Variants in TUB observed in about 807,000 individuals in gnomAD.
TUB encodes the protein tubby protein homolog.
TUB carries 33 observed loss-of-function variants against 59.7 expected under a neutral mutation model. That is an observed-to-expected ratio of 0.55 (90% CI 0.42 to 0.74). TUB has a LOEUF of 0.74. Among genes scored for constraint, TUB ranks in the 30% least tolerant of loss-of-function variants. The probability of loss-of-function intolerance (pLI) is 0.00; values close to 1 mark genes in which losing one functional copy is unlikely to be tolerated. For missense variants in TUB, 659 were observed against 672.0 expected (o/e 0.98, Z 0.21); for synonymous variants, 293 against 256.4 (o/e 1.14, Z -1.36).
chr11:8,059,318 C>T (rs765935633), intron 2 of TUB, among the ~76,000 whole-genome samples: 44 of 152,142 alleles, frequency 2.9e-4, no homozygotes, highest in Non-Finnish European at 5.4e-4. Flanking sequence ...GACATCCAGT[C>T]GCAGTTAGTT....
At chr11:8,086,312 C>T (rs191543180) in intron 1 of TUB, among the ~76,000 whole-genome samples, 789 of 152,146 alleles carry the variant, frequency 5.2e-3, no homozygotes, top group Non-Finnish European at 8.7e-3. Flanking sequence ...GGGGAAGCGT[C>T]GGTGAGAAAG....
chr11:8,061,802 T>C (rs1467282207), intron 2 of TUB, among the ~76,000 whole-genome samples: 1 of 151,980 alleles, frequency 6.6e-6, no homozygotes, highest in Non-Finnish European at 1.5e-5. Flanking sequence ...TTTGGGGAAC[T>C]CCAAGGTCCC....
At chr11:8,035,309 A>T (rs1359555923), upstream of TUB, 1 of 152,206 alleles carries the variant, frequency 6.6e-6, no homozygotes, top group Non-Finnish European at 1.5e-5. Context: ...TATCATGGAC[A>T]GTTTTGCTTT....
chr11:8,063,949 C>T (rs367574100), intron 2 of TUB, among the ~76,000 whole-genome samples: 2 of 152,034 alleles, frequency 1.3e-5, no homozygotes, highest in South Asian at 2.1e-4. Context: ...GTTTTAATGC[C>T]GTTGTTTCAA....
intron 2 of TUB, among the ~76,000 whole-genome samples, chr11:8,046,462 C>T (rs1942835012): frequency 6.6e-6 from 1 of 152,200 alleles, no homozygotes; most frequent in South Asian, 2.1e-4. Flanking sequence ...CAACCTGTCC[C>T]TCGTCTTCTA....
intron 1 of TUB, among the ~76,000 whole-genome samples, chr11:8,033,095 G>T (rs569263221): frequency 2.1e-4 from 32 of 152,294 alleles, no homozygotes; most frequent in African/African-American, 7.2e-4. Flanking sequence ...GATCTGGGGG[G>T]GAACCTGGGA....
intron 1 of TUB, among the ~76,000 whole-genome samples, chr11:8,029,855 G>A (rs551351355): frequency 2.0e-5 from 3 of 152,144 alleles, no homozygotes; most frequent in East Asian, 1.9e-4. Context: ...CAGAGGAGTC[G>A]GGTGGCTACC....
At chr11:8,024,207 C>T (rs79191416) in intron 1 of TUB, among the ~76,000 whole-genome samples, 2,786 of 152,330 alleles carry the variant, frequency 0.018, 84 homozygotes, top group African/African-American at 0.062. Context: ...TTTTTATTCC[C>T]TCACGTATGC....
At chr11:8,031,874 G>A (rs1251820163) in intron 1 of TUB, among the ~76,000 whole-genome samples, 3 of 152,198 alleles carry the variant, frequency 2.0e-5, no homozygotes, top group East Asian at 3.9e-4. Flanking sequence ...CCTGGGTCCC[G>A]GTGCAGGGTT....
Position 8,103,309 on chromosome 11 carries a change from A to C in TUB, c.*1690A>C, listed in dbSNP as rs1944386639. 6.6e-6 allele frequency: 1 copy of C among 151,368 alleles called. No homozygotes were observed. Among genetic ancestry groups the C allele is most frequent in the South Asian group, 2.1e-4 (1 of 4,782 alleles). 9.4% of individuals were successfully genotyped at this position (151,368 alleles called of 1,614,324 possible). ...TTACCCTGGTGGAGGCTTCTTGCCC[A>C]GATAGAGATCTGAAATTGGTGGGAA... On this transcript the variant is annotated 3_prime_UTR_variant, in exon 12 of 12. Coordinates refer to ENST00000299506, the MANE Select transcript of TUB (RefSeq NM_177972.3).
intron 3 of TUB, among the ~76,000 whole-genome samples, chr11:8,091,003 T>C (rs1170948398): frequency 6.6e-6 from 1 of 152,064 alleles, no homozygotes; most frequent in Non-Finnish European, 1.5e-5. Flanking sequence ...CTTCATCAAA[T>C]AGTAATTCTA....
chr11:8,058,449 CA>C (rs1410783646), intron 2 of TUB, among the ~76,000 whole-genome samples: 17 of 152,122 alleles, frequency 1.1e-4, no homozygotes, highest in African/African-American at 2.4e-4. Flanking sequence ...GTGGCTAGAC[CA>C]GGGGAGTCAA....
intron 1 of TUB, among the ~76,000 whole-genome samples, chr11:8,026,074 A>G (rs977194167): frequency 6.6e-6 from 1 of 152,230 alleles, no homozygotes; most frequent in Non-Finnish European, 1.5e-5. Context: ...GATGTCGAGC[A>G]TCTTTTCATG....
At chr11:8,070,816 C>T (rs1157751576) in intron 2 of TUB, among the ~76,000 whole-genome samples, 1 of 152,190 alleles carries the variant, frequency 6.6e-6, no homozygotes, top group Admixed American at 6.5e-5. Flanking sequence ...CCAGAAACTT[C>T]ATTGCTTTGT....
chr11:8,077,565 G>A (rs1321693274), upstream of TUB: 1 of 152,160 alleles, frequency 6.6e-6, no homozygotes, highest in African/African-American at 2.4e-5. Flanking sequence ...TAACTGTTAC[G>A]TTTCCCTCTT....
At chr11:8,039,172 C>T (rs1383358966) in intron 1 of TUB, 4 of 1,089,600 alleles carry the variant, frequency 3.7e-6, no homozygotes, top group Admixed American at 2.8e-5. Flanking sequence ...ACGTGGAGCC[C>T]CACAGGTATA....
At chr11:8,091,237 G>A (rs978616630) in intron 3 of TUB, among the ~76,000 whole-genome samples, 7 of 152,084 alleles carry the variant, frequency 4.6e-5, no homozygotes, top group African/African-American at 1.7e-4. Flanking sequence ...AGCTCCCTGA[G>A]CCCTTTGTCT....
At chr11:8,032,759 T>C (rs2133713282) in intron 1 of TUB, among the ~76,000 whole-genome samples, 1 of 152,270 alleles carries the variant, frequency 6.6e-6, no homozygotes, top group South Asian at 2.1e-4. Context: ...TCACATCTGG[T>C]CACTATTCCT....
intron 3 of TUB, 60 bp downstream of exon 3, chr11:8,090,291 C>T: frequency 6.3e-7 from 1 of 1,586,864 alleles, no homozygotes. Context: ...TCACTTCCTG[C>T]CCACCTAGGC....
Sources: allele counts gnomAD v4.1 joint callset (sites outside exome capture counted in the v4.1 genomes callset), GRCh38; gene constraint gnomAD v4.1.1; transcripts MANE v1.5; gene names NCBI Gene and HGNC (gene_info 2026-07-23, HGNC 2026-07-21).